The following EP300 variants were observed in gnomAD, a reference collection of about 807,000 sequenced individuals.
EP300 encodes the protein EP300 lysine acetyltransferase.
In EP300, 31 loss-of-function variants were observed where a neutral mutation model predicts 264.0. The ratio of observed to expected loss-of-function variants is 0.12; its 90% CI spans 0.09 to 0.16. The LOEUF (loss-of-function observed/expected upper bound fraction) is 0.16. EP300 is among the 10% of genes least tolerant of loss of function. The probability of loss-of-function intolerance (pLI) is 1.00; values close to 1 mark genes in which losing one functional copy is unlikely to be tolerated. For synonymous variants in EP300, 1,340 were observed against 1,045.4 expected (o/e 1.28, Z -5.44); for missense variants, 2,766 against 3,052.9 (o/e 0.91, Z 2.21).
At chr22:41,114,021 C>T (rs1296886950) in intron 1 of EP300, among the ~76,000 whole-genome samples, 1 of 152,078 alleles carries the variant, frequency 6.6e-6, no homozygotes, top group Non-Finnish European at 1.5e-5. Context: ...TTCTTGGATA[C>T]TCCAGGGGAA....
chr22:41,172,477 A>C (rs778853663), intron 27 of EP300, 22 bp from the exon 28 acceptor site: 1 of 1,589,082 alleles, frequency 6.3e-7, no homozygotes, highest in African/African-American at 1.3e-5. Flanking sequence ...AAATTCCTAT[A>C]TGTACATGCA....
At chr22:41,149,666 T>A (rs2059031748) in intron 13 of EP300, 95 bp from the exon 14 acceptor site, 1 of 1,280,568 alleles carries the variant, frequency 7.8e-7, no homozygotes, top group African/African-American at 1.5e-5. Flanking sequence ...CTTTGTTTAA[T>A]CAGTTTGTGT....
Position 41,179,241 on chromosome 22 carries a change from G to A in EP300, c.*285G>A. 2.3e-6 allele frequency: 1 copy of A among 427,644 alleles called. No homozygotes were observed. The highest frequency in any genetic ancestry group is 3.8e-5 in the East Asian group (1 of 26,192). The allele number at this position is 427,644 out of a possible 1,614,324, so 26.5% of individuals were successfully genotyped here. On this transcript the variant is annotated 3_prime_UTR_variant, in exon 31 of 31. Transcript: ENST00000263253. ...GCACTGGGAGGAGGCTGAGGCCTGTGAAGCCAAACAATATGCTCCTGCCTT... is the reference window on the plus strand; with the variant it reads ...GCACTGGGAGGAGGCTGAGGCCTGTAAAGCCAAACAATATGCTCCTGCCTT...
In EP300 at chr22:41,128,872, T is replaced by G. The variant is rs893926898; in HGVS notation, c.1169-1018T>G. 2.6e-5 allele frequency among the ~76,000 whole-genome samples: 4 copies of G among 152,182 alleles called. No homozygotes were observed. The East Asian group carries it at 7.7e-4, about 29-fold the overall frequency. ...CATTTAGAAAATTCCATTGTCTAAA[T>G]GCATCATCACAGTTAACTCACTCGG... On this transcript the variant is annotated intron_variant, in intron 4 of 30. Transcript: ENST00000263253.
intron 12 of EP300, among the ~76,000 whole-genome samples, chr22:41,148,563 A>G (rs2059025400): frequency 6.6e-6 from 1 of 152,196 alleles, no homozygotes; most frequent in Non-Finnish European, 1.5e-5. Flanking sequence ...TTTGGAAATG[A>G]CATGTAACAG....
chr22:41,139,137 A>G (rs2058968166), intron 8 of EP300, among the ~76,000 whole-genome samples: 1 of 151,976 alleles, frequency 6.6e-6, no homozygotes, highest in Non-Finnish European at 1.5e-5. Context: ...TATTTTTAGT[A>G]GAGATGGGGT....
intron 2 of EP300, among the ~76,000 whole-genome samples, chr22:41,124,565 G>C (rs747533148): frequency 6.6e-6 from 1 of 152,050 alleles, no homozygotes; most frequent in Non-Finnish European, 1.5e-5. Context: ...GGGAAGCTGT[G>C]GTGGGAGGAT....
chr22:41,146,416 C>G lies in EP300; in HGVS notation c.2054-323C>G, dbSNP rs550169863. On this transcript the variant is annotated intron_variant, in intron 10 of 30. Transcript: ENST00000263253. ...TCCTGACCTCAAGTGATCCACCCAC[C>G]TCAGCCTCCCAAAGTGCCAGGATTA... is the stretch of plus-strand genomic sequence containing the variant. 166 of 344,920 alleles carry G rather than the reference C, an allele frequency of 4.8e-4. 4 individuals are homozygous for G. Among genetic ancestry groups the G allele is most frequent in the South Asian group, 3.7e-3 (149 of 40,226 alleles). The allele number at this position is 344,920 out of a possible 1,614,324, so 21.4% of individuals were successfully genotyped here. A position where few individuals can be genotyped will look rare whatever the true frequency, so the allele number is the denominator to read the frequency against.
At chr22:41,122,300 G>A (rs975525725) in intron 2 of EP300, among the ~76,000 whole-genome samples, 1 of 151,608 alleles carries the variant, frequency 6.6e-6, no homozygotes, top group Admixed American at 6.6e-5. Flanking sequence ...CGAGTAGGTG[G>A]GATTGCAGGT....
At chr22:41,163,930 A>G in intron 21 of EP300, 123 bp from the exon 22 acceptor site, 1 of 923,788 alleles carries the variant, frequency 1.1e-6, no homozygotes, top group Non-Finnish European at 1.8e-6. Context: ...AAACTTTATT[A>G]AAACTATTTT....
chr22:41,111,907 A>C (rs1461031981), intron 1 of EP300, among the ~76,000 whole-genome samples: 1 of 51,860 alleles, frequency 1.9e-5, no homozygotes, highest in Admixed American at 3.0e-4. Flanking sequence ...TTTTTTTTTG[A>C]GACAGAGTCT....
intron 1 of EP300, among the ~76,000 whole-genome samples, chr22:41,113,157 A>AACCCC (rs2058802817): frequency 1.9e-4 from 18 of 92,910 alleles, no homozygotes; most frequent in East Asian, 1.3e-3. Context: ...TCAGGATTCC[A>AACCCC]CCCCCCCCCC....
chr22:41,099,569 C>T (rs2058720039), intron 1 of EP300, among the ~76,000 whole-genome samples: 1 of 152,176 alleles, frequency 6.6e-6, no homozygotes. Flanking sequence ...GCAAAACTAT[C>T]ACGAATTTTT....
Position 41,173,604 on chromosome 22 carries a change from C to T in EP300, c.4618-19C>T, listed in dbSNP as rs370553691. The T allele has an allele frequency of 5.0e-6, 8 of 1,613,720 alleles. No individual in the cohort carries two copies. In the Admixed American group the frequency reaches 5.0e-5, roughly 10 times the overall value. On this transcript the variant is annotated intron_variant, in intron 28 of 30. Coordinates refer to ENST00000263253, the MANE Select transcript of EP300 (RefSeq NM_001429.4). ...TAACAAAAACCTTATTTTCTTGTCTCCTTTGTGCTACTCTGCAGGTGACCA... is the reference window on the plus strand; with the variant it reads ...TAACAAAAACCTTATTTTCTTGTCTTCTTTGTGCTACTCTGCAGGTGACCA...
Position 41,177,897 on chromosome 22 carries a change from C to T in EP300, c.6186C>T (p.Ser2062=), listed in dbSNP as rs2145519707. ...TTTTGCGGACTCTCAGGTCTCCCAG[C>T]TCTCCCCTGCAGCAGCAACAGGTGC... The part of the protein sequence containing the change: ...QNLLRTLRSP[S]SPLQQQQVLS... The change falls in exon 31 of 31, where the codon AGC becomes AGT. Residue 2062 remains serine, a synonymous_variant. Coordinates refer to ENST00000263253, the MANE Select transcript of EP300 (RefSeq NM_001429.4). The T allele has an allele frequency of 6.2e-7, 1 of 1,614,204 alleles. No homozygotes were observed. Among genetic ancestry groups the T allele is most frequent in the Non-Finnish European group, 8.5e-7 (1 of 1,180,024 alleles).
chr22:41,166,250 C>G (rs2059133429), intron 22 of EP300, among the ~76,000 whole-genome samples: 1 of 152,198 alleles, frequency 6.6e-6, no homozygotes, highest in Non-Finnish European at 1.5e-5. Context: ...ATTGGTTCTA[C>G]TCTCAAAATG....
At chr22:41,167,061 G>A (rs570056590) in intron 23 of EP300, among the ~76,000 whole-genome samples, 17 of 152,290 alleles carry the variant, frequency 1.1e-4, no homozygotes, top group South Asian at 2.1e-4. Flanking sequence ...GCAGTGGCAC[G>A]ATCTCAGCTC....
At chr22:41,135,706 C>A in intron 6 of EP300, 107 bp from the exon 7 acceptor site, 1 of 840,124 alleles carries the variant, frequency 1.2e-6, no homozygotes, top group Non-Finnish European at 2.0e-6. Flanking sequence ...ATTGTATATG[C>A]TGCAAATTTT....
chr22:41,110,793 C>G (rs941131847), intron 1 of EP300, among the ~76,000 whole-genome samples: 3 of 151,884 alleles, frequency 2.0e-5, no homozygotes, highest in Non-Finnish European at 2.9e-5. Context: ...TGACAAACTT[C>G]TAGAAGTTTG....
Sources: gnomAD v4.1 joint callset for allele counts (sites outside exome capture counted in the v4.1 genomes callset) on GRCh38, gnomAD v4.1.1 for gene constraint, MANE v1.5 for transcripts, NCBI Gene and HGNC (gene_info 2026-07-23, HGNC 2026-07-21) for gene names.